Variants in TRAPPC6A observed in about 807,000 individuals in gnomAD.
TRAPPC6A encodes the protein TRAPP complex subunit 6A.
In TRAPPC6A, 25 loss-of-function variants were observed where a neutral mutation model predicts 20.8. That is an observed-to-expected ratio of 1.20 (90% CI 0.88 to 1.68). The LOEUF (loss-of-function observed/expected upper bound fraction) is 1.68, where lower values mean the gene tolerates loss of function less well. Ranked by LOEUF, TRAPPC6A falls within the 40% of genes most tolerant of loss-of-function variation. The pLI is 0.00. For missense variants in TRAPPC6A, 215 were observed against 211.6 expected, an observed-to-expected ratio of 1.02 and a Z score of -0.10; for synonymous variants, 96 against 93.3, an observed-to-expected ratio of 1.03 and a Z score of -0.16.
Position 45,167,654 on chromosome 19 carries a change from G to C in TRAPPC6A, c.85-2460C>G, listed in dbSNP as rs571189985. Among the ~76,000 whole-genome samples, 12 of 152,204 alleles carry C rather than the reference G, an allele frequency of 7.9e-5. No individual in the cohort carries two copies. The South Asian group carries it at 2.5e-3, about 32-fold the overall frequency. On this transcript the variant is annotated intron_variant, in intron 1 of 5. Transcript: ENST00000585934. The stretch of plus-strand genomic sequence containing the variant: ...TGAGCCACCACGCCCGGTTAATTTT[G>C]TATTTTTAGTAGAGACAGGGTTTCT...
rs373290714 is a variant in TRAPPC6A, at chr19:45,178,137, C to G, written c.82G>C (p.Gly28Arg). The change falls in exon 1 of 6, where the codon GGG becomes CGG. Residue 28 changes from glycine to arginine, a missense_variant and splice_region_variant. Transcript: ENST00000585934. ...TCCCCACGGAGCCCGGCGCTCACCC[C>G]CGGGCCGGGGTCGGGGTCGTGAGCC... The part of the protein sequence containing the change: ...LWAHDPDPGP[G>R]GQKMSLSVLE... The G allele has an allele frequency of 5.0e-6, 8 of 1,613,384 alleles. No individual in the cohort carries two copies. The highest frequency in any genetic ancestry group is 4.2e-6 in the Non-Finnish European group (5 of 1,179,516).
chr19:45,178,160 G>A lies in TRAPPC6A; in HGVS notation c.59C>T (p.Ala20Val), dbSNP rs772371999. The part of the protein sequence containing the change: ...LHTEMVAELW[A>V]HDPDPGPGGQ... ...CCCCGGGCCGGGGTCGGGGTCGTGA[G>A]CCCACAGCTCAGCCACCATCTCCGT... is the stretch of plus-strand genomic sequence containing the variant. Residue 20 changes from alanine to valine, a missense_variant, in exon 1 of 6, where the codon GCT becomes GTT. Coordinates refer to ENST00000585934, the MANE Select transcript of TRAPPC6A (RefSeq NM_001270891.2). 2 of 1,613,150 alleles carry A rather than the reference G, an allele frequency of 1.2e-6. No individual in the cohort carries two copies. Among genetic ancestry groups the A allele is most frequent in the South Asian group, 2.2e-5 (2 of 91,032 alleles).
chr19:45,170,994 G>A (rs1969256752), intron 1 of TRAPPC6A, among the ~76,000 whole-genome samples: 1 of 152,206 alleles, frequency 6.6e-6, no homozygotes, highest in Non-Finnish European at 1.5e-5. Context: ...AGAGGTTAGG[G>A]GTTTATCTTT....
chr19:45,163,670 T>G lies in TRAPPC6A; in HGVS notation c.448+246A>C, dbSNP rs1310025633. 2.0e-5 allele frequency among the ~76,000 whole-genome samples: 3 copies of G among 152,108 alleles called. No individual in the cohort carries two copies. The highest frequency in any genetic ancestry group is 6.5e-5 in the Admixed American group (1 of 15,274). ...CCATCGAAGGATCAGTGAGGATAAC[T>G]TCTATTGCGTCCACCTCGGCTCCCA... On this transcript the variant is annotated intron_variant, in intron 5 of 5. Coordinates refer to ENST00000585934, the MANE Select transcript of TRAPPC6A (RefSeq NM_001270891.2). The surrounding 1 kb of genome is among the most constrained non-coding windows in gnomAD (Gnocchi z 5.3).
intron 1 of TRAPPC6A, among the ~76,000 whole-genome samples, chr19:45,166,729 GCCTGCAGTCACCAGGCCTGAGC>G (rs1257006770): frequency 2.0e-5 from 3 of 152,032 alleles, no homozygotes; most frequent in African/African-American, 7.2e-5. Context: ...GCTCTCAGGA[GCCTGCAGTCACCAGGCCTGAGC>G]CCTGCAGCCC....
At position 45,177,191 on chromosome 19, in the gene TRAPPC6A, GCACACACA is replaced by G. The variant is rs57127361; in HGVS notation, c.84+936_84+943del. ...GCGACCGAGCAGGATGCGCGTGCGC[GCACACACA>G]CACACACACACACACACACAGTCCC... On this transcript the variant is annotated intron_variant, in intron 1 of 5. Coordinates refer to ENST00000585934, the MANE Select transcript of TRAPPC6A (RefSeq NM_001270891.2). 2.6e-3 allele frequency among the ~76,000 whole-genome samples: 382 copies of G among 147,988 alleles called. 5 individuals carry two copies. The highest frequency in any genetic ancestry group is 0.022 in the East Asian group (105 of 4,850).
At chr19:45,164,125 G>A (rs1011796873) in intron 4 of TRAPPC6A, 39 bp downstream of exon 4, 34 of 1,571,168 alleles carry the variant, frequency 2.2e-5, no homozygotes, top group Non-Finnish European at 2.9e-5. Flanking sequence ...GTAAACAGGA[G>A]GAAGGGAGGT....
chr19:45,163,091 C>A lies in TRAPPC6A; in HGVS notation c.*101G>T. On this transcript the variant is annotated 3_prime_UTR_variant, in exon 6 of 6. Transcript: ENST00000585934. This position sits in a 1 kb window ranked among gnomAD's most constrained non-coding sequence, Gnocchi z 5.3. ...TCCTGAGCAAATGTGACCCCTAGGGCCTGGGATTCCCAAGACCACCCCGAA... is the reference window on the plus strand; with the variant it reads ...TCCTGAGCAAATGTGACCCCTAGGGACTGGGATTCCCAAGACCACCCCGAA... The A allele has an allele frequency of 7.1e-7, 1 of 1,416,726 alleles. No individual in the cohort carries two copies. The highest frequency in any genetic ancestry group is 9.8e-7 in the Non-Finnish European group (1 of 1,016,018). 87.8% of individuals were successfully genotyped at this position (1,416,726 alleles called of 1,614,324 possible).
chr19:45,174,247 A>G (rs1969319151), intron 1 of TRAPPC6A, among the ~76,000 whole-genome samples: 1 of 152,126 alleles, frequency 6.6e-6, no homozygotes, highest in South Asian at 2.1e-4. Flanking sequence ...ATCAAATGAA[A>G]TCAAGAGTGA....
intron 1 of TRAPPC6A, among the ~76,000 whole-genome samples, chr19:45,168,943 C>T (rs942704695): frequency 2.3e-4 from 35 of 152,352 alleles, no homozygotes; most frequent in African/African-American, 8.2e-4. Context: ...GTGGCCCTTC[C>T]TCTGCCTGGC....
At chr19:45,171,104 C>T (rs1599737098) in intron 1 of TRAPPC6A, among the ~76,000 whole-genome samples, 2 of 152,326 alleles carry the variant, frequency 1.3e-5, no homozygotes, top group African/African-American at 4.8e-5. Context: ...GAGTTTGAGA[C>T]CAGCCTGGCC....
At position 45,164,965 on chromosome 19, in the gene TRAPPC6A, G is replaced by T. The variant is rs765399801; in HGVS notation, c.158C>A (p.Pro53His). The change falls in exon 3 of 6, where the codon CCC becomes CAC. Residue 53 changes from proline (P) to histidine (H), a missense_variant. Coordinates refer to ENST00000585934, the MANE Select transcript of TRAPPC6A (RefSeq NM_001270891.2). ...CTCCCTGAAGGCCAGCGTCTCCCGG[G>T]GCAGCCTGGTGGGGCAGTACCAAGC... ...RVGQALGERL[P>H]RETLAFREEL... The T allele has an allele frequency of 6.2e-7, 1 of 1,614,000 alleles. No individual in the cohort carries two copies. Among genetic ancestry groups the T allele is most frequent in the Admixed American group, 1.7e-5 (1 of 60,010 alleles).
At chr19:45,165,862 A>C (rs557982559) in intron 1 of TRAPPC6A, among the ~76,000 whole-genome samples, 11 of 151,848 alleles carry the variant, frequency 7.2e-5, no homozygotes, top group Admixed American at 1.3e-4. Flanking sequence ...GTGTCTGTCC[A>C]CGTGCCTGTG....
Position 45,164,958 on chromosome 19 carries a change from C to A in TRAPPC6A, c.165G>T (p.Glu55Asp). 1 of 1,614,140 alleles carries A rather than the reference C, an allele frequency of 6.2e-7. No individual in the cohort carries two copies. The highest frequency in any genetic ancestry group is 8.5e-7 in the Non-Finnish European group (1 of 1,179,990). Residue 55 changes from glutamate (E) to aspartate (D), a missense_variant, in exon 3 of 6, where the codon GAG (glutamate) becomes GAT (aspartate). Coordinates refer to ENST00000585934, the MANE Select transcript of TRAPPC6A (RefSeq NM_001270891.2). ...GQALGERLPRETLAFREELDV... is the reference protein window; with the variant it reads ...GQALGERLPRDTLAFREELDV... ...CCAGCTCCTCCCTGAAGGCCAGCGTCTCCCGGGGCAGCCTGGTGGGGCAGT... is the reference window on the plus strand; with the variant it reads ...CCAGCTCCTCCCTGAAGGCCAGCGTATCCCGGGGCAGCCTGGTGGGGCAGT...
At chr19:45,166,362 C>T (rs1032374142) in intron 1 of TRAPPC6A, among the ~76,000 whole-genome samples, 2 of 151,866 alleles carry the variant, frequency 1.3e-5, no homozygotes, top group Non-Finnish European at 2.9e-5. Flanking sequence ...CTGTGTGCCA[C>T]CACACCCGGC....
At chr19:45,165,678 A>G (rs1172304174) in intron 1 of TRAPPC6A, among the ~76,000 whole-genome samples, 3 of 152,192 alleles carry the variant, frequency 2.0e-5, no homozygotes, top group Non-Finnish European at 4.4e-5. Context: ...ATCATGCCTT[A>G]TAATATTGGC....
chr19:45,174,309 G>C (rs73564265), intron 1 of TRAPPC6A, among the ~76,000 whole-genome samples: 2,191 of 152,184 alleles, frequency 0.014, 61 homozygotes, highest in African/African-American at 0.048. Context: ...GGAGGGAAGA[G>C]CTAGCACTGC....
At position 45,167,336 on chromosome 19, in the gene TRAPPC6A, G is replaced by A. The variant is rs1969177774; in HGVS notation, c.85-2142C>T. On this transcript the variant is annotated intron_variant, in intron 1 of 5. Transcript: ENST00000585934. ...CAGGTTAATTAACATAAACAAGAGT[G>A]AAGTTCCAATGCCATATTTCTGGTA... Among the ~76,000 whole-genome samples the A allele has an allele frequency of 2.0e-5, 3 of 152,222 alleles. 1 individual carries two copies. The South Asian group carries it at 6.2e-4, about 31-fold the overall frequency.
In TRAPPC6A at chr19:45,178,142, C is replaced by A. The variant is rs752277364; in HGVS notation, c.77G>T (p.Gly26Val). The change falls in exon 1 of 6, where the codon GGC becomes GTC. Residue 26 changes from glycine to valine, a missense_variant. Coordinates refer to ENST00000585934, the MANE Select transcript of TRAPPC6A (RefSeq NM_001270891.2). The stretch of plus-strand genomic sequence containing the variant: ...ACGGAGCCCGGCGCTCACCCCCGGG[C>A]CGGGGTCGGGGTCGTGAGCCCACAG... ...AELWAHDPDP[G>V]PGGQKMSLSV... 1.2e-6 allele frequency: 2 copies of A among 1,613,362 alleles called. No homozygotes were observed. The highest frequency in any genetic ancestry group is 1.7e-5 in the Admixed American group (1 of 59,974).
Sources: gnomAD v4.1 joint callset for allele counts (sites outside exome capture counted in the v4.1 genomes callset) on GRCh38, gnomAD v4.1.1 for gene constraint, Gnocchi (gnomAD v3.1) non-coding constraint, MANE v1.5 for transcripts, NCBI Gene and HGNC (gene_info 2026-07-23, HGNC 2026-07-21) for gene names.